The following UCHL5 variants were observed in gnomAD, a reference collection of about 807,000 sequenced individuals.
UCHL5 encodes ubiquitin carboxyl-terminal hydrolase isozyme L5.
In UCHL5, 34 loss-of-function variants were observed where a neutral mutation model predicts 53.8. That is an observed-to-expected ratio of 0.63 (90% CI 0.48 to 0.84). The LOEUF (loss-of-function observed/expected upper bound fraction) is 0.84. Ranked by LOEUF, UCHL5 falls within the 40% of genes least tolerant of loss-of-function variation. UCHL5 has a pLI of 0.00. For synonymous variants in UCHL5, 111 were observed against 126.3 expected (o/e 0.88, Z 0.81); for missense variants, 290 against 385.6 (o/e 0.75, Z 2.08).
At chr1:193,039,695 C>A (rs1056810040) in intron 3 of UCHL5, among the ~76,000 whole-genome samples, 2 of 152,076 alleles carry the variant, frequency 1.3e-5, no homozygotes, top group Non-Finnish European at 2.9e-5. Flanking sequence ...CCAAAGCAAT[C>A]CTGAGCAAAA....
chr1:193,049,702 A>C lies in UCHL5; in HGVS notation c.246+44T>G, dbSNP rs199543720. ...TAGTAAACTAGAGTCTTGTTTATAA[A>C]AAGGGTTGCTCTTGAGACTTTTCAG... On this transcript the variant is annotated intron_variant, in intron 3 of 10. Transcript: ENST00000367454. 1.9e-5 allele frequency: 28 copies of C among 1,484,468 alleles called. No homozygotes were observed. The East Asian group carries it at 6.2e-4, about 33-fold the overall frequency. The allele number at this position is 1,484,468 out of a possible 1,614,324, so 92.0% of individuals were successfully genotyped here.
chr1:193,035,067 A>G (rs1662869864), intron 3 of UCHL5, among the ~76,000 whole-genome samples: 1 of 152,026 alleles, frequency 6.6e-6, no homozygotes. Flanking sequence ...AGTCAAAAGG[A>G]TTATAAAGGA....
chr1:193,057,287 AG>A (rs1670921866), intron 1 of UCHL5: 1 of 160,798 alleles, frequency 6.2e-6, no homozygotes, highest in Admixed American at 6.2e-5. Context: ...TCTCTTATGT[AG>A]GAGTAATATA....
intron 3 of UCHL5, among the ~76,000 whole-genome samples, chr1:193,039,383 T>C (rs1028036054): frequency 6.6e-6 from 1 of 152,140 alleles, no homozygotes; most frequent in Admixed American, 6.6e-5. Flanking sequence ...CATTCCAGCC[T>C]GGGTGACCTA....
chr1:193,049,458 G>A, intron 3 of UCHL5: 1 of 215,468 alleles, frequency 4.6e-6, no homozygotes, highest in Non-Finnish European at 9.2e-6. Context: ...TCCTGCCTCG[G>A]CCTCCCAAAG....
At chr1:193,039,954 A>G (rs2102652537) in intron 3 of UCHL5, among the ~76,000 whole-genome samples, 1 of 152,302 alleles carries the variant, frequency 6.6e-6, no homozygotes, top group South Asian at 2.1e-4. Context: ...TGCAGAAAAA[A>G]GAAACTAGAT....
At chr1:193,024,061 A>G (rs1658180148) in intron 7 of UCHL5, 115 bp from the exon 8 acceptor site, 3 of 758,976 alleles carry the variant, frequency 4.0e-6, no homozygotes, top group Non-Finnish European at 6.1e-6. Flanking sequence ...AAGTCTATCA[A>G]TTGGCTAGCA....
chr1:193,020,046 C>G, intron 10 of UCHL5: 1 of 984,866 alleles, frequency 1.0e-6, no homozygotes, highest in Non-Finnish European at 1.2e-6. Flanking sequence ...ACTTTAAAAA[C>G]AGTTTCCCAT....
At chr1:193,017,046 T>C (rs938090902) in intron 10 of UCHL5, among the ~76,000 whole-genome samples, 8 of 151,780 alleles carry the variant, frequency 5.3e-5, no homozygotes, top group Admixed American at 1.3e-4. Context: ...AAGTCCTCAA[T>C]ACAGATCAAA....
At chr1:193,053,845 C>T (rs1456467446) in intron 1 of UCHL5, among the ~76,000 whole-genome samples, 1 of 151,998 alleles carries the variant, frequency 6.6e-6, no homozygotes, top group African/African-American at 2.4e-5. Flanking sequence ...TAGGCCCTGG[C>T]AAAGACAGAA....
In UCHL5 at chr1:193,012,714, C is replaced by T. The variant is rs924274254; in HGVS notation, c.*3637G>A. The T allele has an allele frequency of 6.6e-6, 1 of 151,938 alleles. No homozygotes were observed. The highest frequency in any genetic ancestry group is 1.5e-5 in the Non-Finnish European group (1 of 67,988). The allele number at this position is 151,938 out of a possible 1,614,324, so 9.4% of individuals were successfully genotyped here. A position where few individuals can be genotyped will look rare whatever the true frequency, so the allele number is the denominator to read the frequency against. ...CACCCCTTTTCCCTATTTTTTTTACCATTCATACTACTATTTGAAAAGTTG... is the reference window on the plus strand; with the variant it reads ...CACCCCTTTTCCCTATTTTTTTTACTATTCATACTACTATTTGAAAAGTTG... On this transcript the variant is annotated 3_prime_UTR_variant, in exon 11 of 11. Coordinates refer to ENST00000367454, the MANE Select transcript of UCHL5 (RefSeq NM_001199261.3).
chr1:193,043,175 A>AAAAAAAAAAAAAAAC (rs1558123160), intron 3 of UCHL5, among the ~76,000 whole-genome samples: 2 of 147,840 alleles, frequency 1.4e-5, no homozygotes, highest in African/African-American at 2.5e-5. Flanking sequence ...AAAAAAAAAA[A>AAAAAAAAAAAAAAAC]ACCACCTATT....
intron 3 of UCHL5, among the ~76,000 whole-genome samples, chr1:193,031,617 A>G (rs1374729195): frequency 6.6e-6 from 1 of 152,176 alleles, no homozygotes; most frequent in Admixed American, 6.5e-5. Flanking sequence ...TATACATAGT[A>G]CAAAATTAAC....
chr1:193,021,115 T>G lies in UCHL5; in HGVS notation c.924A>C (p.Leu308Phe). ...LLKTLAEHQQ[L>F]IPLVEKAKEK... ...TACTTACCTTTTCTACTAGTGGTAT[T>G]AACTGCTGGTGTTCTGCTAAAGTCT... is the stretch of plus-strand genomic sequence containing the variant. The change falls in exon 10 of 11, where the codon TTA (leucine) becomes TTC (phenylalanine). Residue 308 changes from leucine (L) to phenylalanine (F), a missense_variant. Transcript: ENST00000367454. The G allele has an allele frequency of 1.9e-6, 3 of 1,606,770 alleles. No homozygotes were observed. Among genetic ancestry groups the G allele is most frequent in the Non-Finnish European group, 2.6e-6 (3 of 1,174,586 alleles).
chr1:193,040,731 T>C (rs1172677671), intron 3 of UCHL5, among the ~76,000 whole-genome samples: 1 of 152,210 alleles, frequency 6.6e-6, no homozygotes, highest in Non-Finnish European at 1.5e-5. Flanking sequence ...AGCCAAAATA[T>C]ATAATCAACT....
chr1:193,040,682 A>G (rs148955270), intron 3 of UCHL5, among the ~76,000 whole-genome samples: 2 of 152,350 alleles, frequency 1.3e-5, no homozygotes, highest in East Asian at 3.9e-4. Context: ...TCAAAGAGAT[A>G]TCTGCACTCC....
chr1:193,034,136 G>A lies in UCHL5; in HGVS notation c.247-4479C>T, dbSNP rs187035499. ...TCAATTTACAGGAAGGACTGAAGGC[G>A]GCTAAAAGGAGAAATAAGATCAGCC... is the stretch of plus-strand genomic sequence containing the variant. On this transcript the variant is annotated intron_variant, in intron 3 of 10. Transcript: ENST00000367454. Among the ~76,000 whole-genome samples, 322 of 152,078 alleles carry A rather than the reference G, an allele frequency of 2.1e-3. 2 individuals carry two copies. Among genetic ancestry groups the A allele is most frequent in the African/African-American group, 6.7e-3 (277 of 41,482 alleles).
At chr1:193,042,338 G>A (rs1431361335) in intron 3 of UCHL5, among the ~76,000 whole-genome samples, 1 of 152,006 alleles carries the variant, frequency 6.6e-6, no homozygotes, top group Non-Finnish European at 1.5e-5. Context: ...TTATTTCAGC[G>A]GTAAGTTCTT....
chr1:193,019,798 A>T (rs1255867553), intron 10 of UCHL5: 1 of 894,320 alleles, frequency 1.1e-6, no homozygotes, highest in Non-Finnish European at 1.3e-6. Context: ...ACACACAAAA[A>T]ATTCTGTTCA....
Sources: allele counts gnomAD v4.1 joint callset (sites outside exome capture counted in the v4.1 genomes callset), GRCh38; gene constraint gnomAD v4.1.1; transcripts MANE v1.5; gene names NCBI Gene and HGNC (gene_info 2026-07-23, HGNC 2026-07-21).